The following SLC4A7 variants were observed in gnomAD, a reference collection of about 807,000 sequenced individuals.
SLC4A7 encodes the protein solute carrier family 4 member 7, also known as sodium bicarbonate cotransporter 3.
A neutral mutation model predicts 137.6 loss-of-function variants in SLC4A7; 51 were observed. That is an observed-to-expected ratio of 0.37 (90% CI 0.30 to 0.47). SLC4A7 has a LOEUF of 0.47. Ranked by LOEUF, SLC4A7 falls within the 20% of genes least tolerant of loss-of-function variation. The pLI, the probability that SLC4A7 is intolerant of heterozygous loss-of-function variation, is 1.00. For missense variants in SLC4A7, 1,247 were observed against 1,525.4 expected (o/e 0.82, Z 3.04); for synonymous variants, 542 against 518.6 (o/e 1.05, Z -0.61).
rs1249186978 is a variant in SLC4A7 at position 27,483,956 on chromosome 3, G to C, written c.60+111C>G. 1.1e-5 allele frequency: 9 copies of C among 797,128 alleles called. No homozygotes were observed. The South Asian group carries it at 1.7e-4, about 15-fold the overall frequency. 49.4% of individuals were successfully genotyped at this position (797,128 alleles called of 1,614,324 possible). Reference sequence around the variant, plus strand: ...GGCCGCCGGGAGGTGGAGGGGCGACGGGCCTGGGACGAGGTGGCCGAGCCG... The same window carrying C: ...GGCCGCCGGGAGGTGGAGGGGCGACCGGCCTGGGACGAGGTGGCCGAGCCG... On this transcript the variant is annotated intron_variant, in intron 1 of 25. Transcript: ENST00000454389.
At chr3:27,441,639 T>A (rs912092735) in intron 3 of SLC4A7, among the ~76,000 whole-genome samples, 1 of 151,986 alleles carries the variant, frequency 6.6e-6, no homozygotes, top group Non-Finnish European at 1.5e-5. Context: ...GAGATGCACA[T>A]TGCCATACCC....
intron 1 of SLC4A7, among the ~76,000 whole-genome samples, chr3:27,477,756 A>G (rs2059524947): frequency 1.3e-5 from 2 of 152,050 alleles, no homozygotes; most frequent in Non-Finnish European, 2.9e-5. Flanking sequence ...CTGGGATTAC[A>G]GGCGCACAGC....
chr3:27,379,254 G>A lies in SLC4A7; in HGVS notation c.3693C>T (p.Asn1231=). ...ACACAAATAGTTATAACTACCTCAT[G>A]TTAGATCTGGTTACTTTGGCATTCT... The part of the protein sequence containing the change: ...NTENAKVTRS[N]MSPDKPVSVK... Residue 1231 remains asparagine, a synonymous_variant, in exon 25 of 26, where the codon AAC becomes AAT. Coordinates refer to ENST00000454389, the MANE Select transcript of SLC4A7 (RefSeq NM_001321103.2). The A allele has an allele frequency of 6.6e-7, 1 of 1,519,258 alleles. No individual in the cohort carries two copies. The highest frequency in any genetic ancestry group is 8.8e-7 in the Non-Finnish European group (1 of 1,131,504). 94.1% of individuals were successfully genotyped at this position (1,519,258 alleles called of 1,614,324 possible).
intron 1 of SLC4A7, among the ~76,000 whole-genome samples, chr3:27,482,291 T>G (rs1343833231): frequency 6.6e-6 from 1 of 152,244 alleles, no homozygotes; most frequent in African/African-American, 2.4e-5. Flanking sequence ...CCTTATCACA[T>G]GCTTTCTCTA....
At chr3:27,409,647 TA>T (rs2053713621) in intron 12 of SLC4A7, 117 bp from the exon 13 acceptor site, 1 of 667,562 alleles carries the variant, frequency 1.5e-6, no homozygotes, top group South Asian at 2.2e-5. Flanking sequence ...AACAAAATGT[TA>T]AATCCAATTT....
intron 1 of SLC4A7, chr3:27,456,526 G>C: frequency 1.4e-6 from 1 of 697,556 alleles, no homozygotes. Flanking sequence ...CCACAGCCAA[G>C]GACACAAAGG....
Position 27,398,332 on chromosome 3 carries a change from C to T in SLC4A7, c.2449G>A (p.Val817Ile). 3 of 1,601,276 alleles carry T rather than the reference C, an allele frequency of 1.9e-6. No homozygotes were observed. The highest frequency in any genetic ancestry group is 1.7e-6 in the Non-Finnish European group (2 of 1,175,472). ...TGACCACAAGCTGACCCCAAGAATA[C>T]ACCACGAAGTTTTTTACATTCCTGG... ...TVSECKKLRGVFLGSACGHHG... is the reference protein window; with the variant it reads ...TVSECKKLRGIFLGSACGHHG... The change falls in exon 17 of 26, where the codon GTA becomes ATA. Residue 817 changes from valine to isoleucine, a missense_variant. This residue lies in a region of SLC4A7 where 499 missense variants were observed against 664.2 expected (regional missense o/e 0.75). Coordinates refer to ENST00000454389, the MANE Select transcript of SLC4A7 (RefSeq NM_001321103.2).
intron 1 of SLC4A7, among the ~76,000 whole-genome samples, chr3:27,469,114 G>GAA (rs71624672): frequency 2.0e-4 from 29 of 144,470 alleles, no homozygotes; most frequent in South Asian, 4.3e-4. Context: ...CTCAATAAAA[G>GAA]AAAAAAAAAA....
chr3:27,390,284 G>A, intron 21 of SLC4A7, 180 bp from the exon 22 acceptor site: 4 of 255,888 alleles, frequency 1.6e-5, no homozygotes, highest in Non-Finnish European at 3.2e-5. Context: ...TCGGGTGGGG[G>A]AGGGTGGCAG....
At chr3:27,403,021 G>A in intron 15 of SLC4A7, 118 bp downstream of exon 15, 1 of 848,830 alleles carries the variant, frequency 1.2e-6, no homozygotes, top group Non-Finnish European at 1.8e-6. Flanking sequence ...CTATCACATG[G>A]CTAGTTAAGT....
At chr3:27,414,295 A>C (rs1002603026) in intron 11 of SLC4A7, among the ~76,000 whole-genome samples, 4 of 152,046 alleles carry the variant, frequency 2.6e-5, no homozygotes, top group African/African-American at 7.2e-5. Context: ...AAAATAATAA[A>C]ATACACAGTT....
intron 23 of SLC4A7, 59 bp downstream of exon 23, chr3:27,385,833 A>G: frequency 8.4e-7 from 1 of 1,193,538 alleles, no homozygotes. Context: ...GGTGCCTGCA[A>G]TATGGTGCAA....
Position 27,437,524 on chromosome 3 carries a change from T to C in SLC4A7, c.292A>G (p.Thr98Ala). 1 of 1,536,160 alleles carries C rather than the reference T, an allele frequency of 6.5e-7. No homozygotes were observed. Among genetic ancestry groups the C allele is most frequent in the South Asian group, 1.3e-5 (1 of 78,268 alleles). ...EDGRESPSYD[T>A]PSQRVQFILG... ...ATAAACTGAACTCTCTGGGATGGTGTATCTTTACAAAATAAGAATTTACAT... is the reference window on the plus strand; with the variant it reads ...ATAAACTGAACTCTCTGGGATGGTGCATCTTTACAAAATAAGAATTTACAT... The change falls in exon 4 of 26, where the codon ACA (threonine) becomes GCA (alanine). Residue 98 changes from threonine (T) to alanine (A), a missense_variant and splice_region_variant. Coordinates refer to ENST00000454389, the MANE Select transcript of SLC4A7 (RefSeq NM_001321103.2).
chr3:27,424,209 T>G (rs2055303904), intron 7 of SLC4A7, 57 bp from the exon 8 acceptor site: 1 of 824,984 alleles, frequency 1.2e-6, no homozygotes. Flanking sequence ...TGCAACCTGA[T>G]TCTGCTCACA....
In SLC4A7 at chr3:27,421,712, A is replaced by G; in HGVS notation, c.1334T>C (p.Val445Ala). The G allele has an allele frequency of 6.2e-7, 1 of 1,613,924 alleles. No homozygotes were observed. Among genetic ancestry groups the G allele is most frequent in the African/African-American group, 1.3e-5 (1 of 75,020 alleles). The change falls in exon 9 of 26, where the codon GTA (valine) becomes GCA (alanine). Residue 445 changes from valine to alanine, a missense_variant. Around this residue, in one of 6 missense-constraint regions of SLC4A7, gnomAD observed 499 missense variants for 664.2 expected, o/e 0.75. Transcript: ENST00000454389. ...AATTATTGGCCTTTCCAAAAAGTCT[A>G]CTTCGCCCACCAGGACGTTGGATGC... ...AEASNVLVGE[V>A]DFLERPIIAF... is the part of the protein sequence containing the mutation.
chr3:27,431,551 T>A lies in SLC4A7; in HGVS notation c.897A>T (p.Arg299Ser). The A allele has an allele frequency of 6.2e-7, 1 of 1,614,104 alleles. No homozygotes were observed. The highest frequency in any genetic ancestry group is 1.1e-5 in the South Asian group (1 of 91,068). ...ACCTTGAGCCTGCAGGGGTTCCAGC[T>A]CTTGAAGAAGGAAGAAGATGACCAA... is the stretch of plus-strand genomic sequence containing the variant. ...LLLGHLLPSSRAGTPAGSRCT... is the reference protein window; with the variant it reads ...LLLGHLLPSSSAGTPAGSRCT... Residue 299 changes from arginine (R) to serine (S), a missense_variant, in exon 7 of 26, where the codon AGA becomes AGT. By Grantham distance (110) the Arg-to-Ser change is moderately radical (BLOSUM62 -1). This residue lies in a region of SLC4A7 where 223 missense variants were observed against 203.6 expected (regional missense o/e 1.10). Coordinates refer to ENST00000454389, the MANE Select transcript of SLC4A7 (RefSeq NM_001321103.2).
chr3:27,444,352 A>G (rs1191020351), intron 3 of SLC4A7, among the ~76,000 whole-genome samples: 2 of 152,082 alleles, frequency 1.3e-5, no homozygotes, highest in East Asian at 1.9e-4. Context: ...TATGAGTTCA[A>G]TGTTTTCCTT....
intron 1 of SLC4A7, among the ~76,000 whole-genome samples, chr3:27,481,218 T>C (rs773035275): frequency 6.6e-6 from 1 of 151,908 alleles, no homozygotes; most frequent in Non-Finnish European, 1.5e-5. Context: ...CTTACAATTA[T>C]GAGGCTTTAT....
chr3:27,398,214 G>A lies in SLC4A7; in HGVS notation c.2567C>T (p.Thr856Ile). The stretch of plus-strand genomic sequence containing the variant: ...TACCTTGGTAGGAAAGTAACGCTTG[G>A]TCTTAAATTGCTTGAGGAATGAAGA... ...FLSSFLKQFK[T>I]KRYFPTKVRS... The change falls in exon 17 of 26, where the codon ACC becomes ATC. Residue 856 changes from threonine to isoleucine, a missense_variant. Transcript: ENST00000454389. 2 of 1,612,332 alleles carry A rather than the reference G, an allele frequency of 1.2e-6. No homozygotes were observed. Among genetic ancestry groups the A allele is most frequent in the African/African-American group, 1.3e-5 (1 of 74,940 alleles).
Sources: allele counts gnomAD v4.1 joint callset (sites outside exome capture counted in the v4.1 genomes callset), GRCh38; gene constraint gnomAD v4.1.1; regional missense constraint gnomAD v4.1.1; transcripts MANE v1.5; gene names NCBI Gene and HGNC (gene_info 2026-07-23, HGNC 2026-07-21).